Variants in PSMA2 observed in about 807,000 individuals in gnomAD.
PSMA2 encodes proteasome subunit alpha type-2.
PSMA2 carries 2 observed loss-of-function variants against 35.9 expected under a neutral mutation model. The ratio of observed to expected loss-of-function variants is 0.06; its 90% CI spans 0.02 to 0.18. The LOEUF is 0.18. Ranked by LOEUF, PSMA2 falls within the 10% of genes least tolerant of loss-of-function variation. The probability of loss-of-function intolerance (pLI) is 1.00; values close to 1 mark genes in which losing one functional copy is unlikely to be tolerated. For synonymous variants in PSMA2, 97 were observed against 98.2 expected, an observed-to-expected ratio of 0.99 and a Z score of 0.07; for missense variants, 126 against 278.8, an observed-to-expected ratio of 0.45 and a Z score of 3.90.
At position 42,924,604 on chromosome 7, in the gene PSMA2, T is replaced by C. The variant is rs534124076; in HGVS notation, c.374+71A>G. The C allele has an allele frequency of 6.7e-6, 10 of 1,482,498 alleles. No homozygotes were observed. In the East Asian group the frequency reaches 9.6e-5, roughly 14 times the overall value. The allele number at this position is 1,482,498 out of a possible 1,614,324, so 91.8% of individuals were successfully genotyped here. A position where few individuals can be genotyped will look rare whatever the true frequency, so the allele number is the denominator to read the frequency against. On this transcript the variant is annotated intron_variant, in intron 4 of 7. Coordinates refer to ENST00000223321, the MANE Select transcript of PSMA2 (RefSeq NM_002787.5). ...CAGAAATGGTAAGTCCCACTCTATT[T>C]ATATACCTACTCTTTAAAATAACTT...
Position 42,917,959 on chromosome 7 carries a change from T to C in PSMA2, c.531-124A>G. On this transcript the variant is annotated intron_variant, in intron 6 of 7. Coordinates refer to ENST00000223321, the MANE Select transcript of PSMA2 (RefSeq NM_002787.5). ...CATCTTAAAAATACTAAATTACACATTCTTTTAATCACCTCCTTGTAGCTG... is the reference window on the plus strand; with the variant it reads ...CATCTTAAAAATACTAAATTACACACTCTTTTAATCACCTCCTTGTAGCTG... 3 of 663,330 alleles carry C rather than the reference T, an allele frequency of 4.5e-6. No homozygotes were observed. In the South Asian group the frequency reaches 7.4e-5, roughly 16 times the overall value. The allele number at this position is 663,330 out of a possible 1,614,324, so 41.1% of individuals were successfully genotyped here. A position where few individuals can be genotyped will look rare whatever the true frequency, so the allele number is the denominator to read the frequency against.
chr7:42,931,205 T>C (rs1381429014), intron 1 of PSMA2: 1 of 443,864 alleles, frequency 2.3e-6, no homozygotes, highest in African/African-American at 2.0e-5. Context: ...CAGGTTAAGG[T>C]TAAGTTGCAC....
intron 6 of PSMA2, chr7:42,918,916 C>T (rs1786079366): frequency 5.5e-6 from 1 of 181,770 alleles, no homozygotes; most frequent in Non-Finnish European, 1.2e-5. Flanking sequence ...CTCCGCCTCC[C>T]AGGTTCAAGT....
At chr7:42,930,476 TC>T (rs1786285959) in intron 1 of PSMA2, among the ~76,000 whole-genome samples, 2 of 151,852 alleles carry the variant, frequency 1.3e-5, no homozygotes, top group African/African-American at 4.8e-5. Context: ...AGTCTTGAAC[TC>T]CTGGGCTAAA....
rs1786159485 is a variant in PSMA2 at position 42,923,557 on chromosome 7, G to C, written c.375-151C>G. ...GAAAGTATTTAACACCTTTCTGAAT[G>C]AATCAATTCAAAACTAATTCTCTTT... On this transcript the variant is annotated intron_variant, in intron 4 of 7. Coordinates refer to ENST00000223321, the MANE Select transcript of PSMA2 (RefSeq NM_002787.5). 4 of 628,106 alleles carry C rather than the reference G, an allele frequency of 6.4e-6. No individual in the cohort carries two copies. In the Admixed American group the frequency reaches 1.2e-4, roughly 19 times the overall value. 38.9% of individuals were successfully genotyped at this position (628,106 alleles called of 1,614,324 possible).
intron 1 of PSMA2, chr7:42,931,239 G>A (rs1463633387): frequency 2.4e-6 from 1 of 413,254 alleles, no homozygotes; most frequent in Non-Finnish European, 4.8e-6. Flanking sequence ...CAACAAGTTA[G>A]ATCCCGCCTG....
Position 42,917,582 on chromosome 7 carries a change from T to C in PSMA2, c.697A>G (p.Ile233Val). 2 of 1,610,890 alleles carry C rather than the reference T, an allele frequency of 1.2e-6. No homozygotes were observed. The highest frequency in any genetic ancestry group is 8.5e-7 in the Non-Finnish European group (1 of 1,178,576). ...TTTCAGTCACTTCATTGTTATGCTATGGCAGCCAAGTAATCCTTAACTTCA... is the reference window on the plus strand; with the variant it reads ...TTTCAGTCACTTCATTGTTATGCTACGGCAGCCAAGTAATCCTTAACTTCA... Reference protein sequence around the residue: ...PTEVKDYLAAIA With the variant: ...PTEVKDYLAAVA The change falls in exon 8 of 8, where the codon ATA becomes GTA. Residue 233 changes from isoleucine (I) to valine (V), a missense_variant. Transcript: ENST00000223321.
intron 5 of PSMA2, 71 bp from the exon 6 acceptor site, chr7:42,922,002 A>G: frequency 8.4e-7 from 1 of 1,188,824 alleles, no homozygotes. Flanking sequence ...CTGCCATTTA[A>G]TTTTTAGCTT....
intron 6 of PSMA2, chr7:42,920,069 C>T: frequency 3.3e-6 from 2 of 610,768 alleles, no homozygotes; most frequent in East Asian, 5.9e-5. Flanking sequence ...ATCTATTCTT[C>T]AACTCCTCAA....
chr7:42,919,425 G>T, intron 6 of PSMA2: 2 of 553,934 alleles, frequency 3.6e-6, no homozygotes, highest in South Asian at 2.9e-5. Context: ...TTGCATATAT[G>T]ACTTGAACAA....
intron 6 of PSMA2, chr7:42,919,761 T>G: frequency 1.6e-6 from 1 of 632,946 alleles, no homozygotes. Context: ...AATTTCTTGT[T>G]GCAGGTGGTG....
chr7:42,931,970 C>T, intron 1 of PSMA2, 148 bp downstream of exon 1: 1 of 1,090,076 alleles, frequency 9.2e-7, no homozygotes, highest in Non-Finnish European at 1.4e-6. Context: ...GTCGGCCTGG[C>T]AAATGACTTT....
At chr7:42,926,386 G>A in intron 3 of PSMA2, 150 bp downstream of exon 3, 1 of 852,970 alleles carries the variant, frequency 1.2e-6, no homozygotes, top group South Asian at 2.3e-5. Context: ...ACTAAATTCA[G>A]CTCTCAACGA....
At chr7:42,927,562 C>A in intron 1 of PSMA2, 103 bp from the exon 2 acceptor site, 2 of 1,138,236 alleles carry the variant, frequency 1.8e-6, no homozygotes, top group Non-Finnish European at 2.6e-6. Flanking sequence ...CCAATTTATC[C>A]AACTCCAGGG....
chr7:42,926,389 C>T, intron 3 of PSMA2, 147 bp downstream of exon 3: 2 of 910,254 alleles, frequency 2.2e-6, no homozygotes, highest in South Asian at 4.4e-5. Flanking sequence ...AAATTCAGCT[C>T]TCAACGAGGC....
intron 5 of PSMA2, 78 bp from the exon 6 acceptor site, chr7:42,922,009 G>C (rs1786135342): frequency 1.8e-6 from 2 of 1,120,802 alleles, no homozygotes; most frequent in Admixed American, 4.1e-5. Flanking sequence ...TTAATTTTTA[G>C]CTTTATTAAT....
rs561528836 is a variant in PSMA2, at chr7:42,920,279, G to C, written c.530+1579C>G. 5 of 210,286 alleles carry C rather than the reference G, an allele frequency of 2.4e-5. No homozygotes were observed. The East Asian group carries it at 4.0e-4, about 17-fold the overall frequency. 13.0% of individuals were successfully genotyped at this position (210,286 alleles called of 1,614,324 possible). A position where few individuals can be genotyped will look rare whatever the true frequency, so the allele number is the denominator to read the frequency against. ...CATAAGTGAAATCTCAAGAGTATCA[G>C]ATGAAGGGAGGTTGAGTTATCCTCT... On this transcript the variant is annotated intron_variant, in intron 6 of 7. Coordinates refer to ENST00000223321, the MANE Select transcript of PSMA2 (RefSeq NM_002787.5).
At chr7:42,919,850 C>A in intron 6 of PSMA2, 1 of 746,674 alleles carries the variant, frequency 1.3e-6, no homozygotes, top group Admixed American at 1.7e-5. Flanking sequence ...GTCCTATTCA[C>A]TGTGTGAGAT....
At chr7:42,931,687 T>G (rs1786315713) in intron 1 of PSMA2, among the ~76,000 whole-genome samples, 1 of 151,920 alleles carries the variant, frequency 6.6e-6, no homozygotes, top group South Asian at 2.1e-4. Context: ...AGCTGAGAGT[T>G]TTCCAAGAAA....
Sources: gnomAD v4.1 joint callset for allele counts (sites outside exome capture counted in the v4.1 genomes callset) on GRCh38, gnomAD v4.1.1 for gene constraint, MANE v1.5 for transcripts, NCBI Gene and HGNC (gene_info 2026-07-23, HGNC 2026-07-21) for gene names.